The following FUT8 variants were observed in gnomAD, a reference collection of about 807,000 sequenced individuals.
The protein encoded by FUT8 is alpha-(1,6)-fucosyltransferase.
FUT8 carries 29 observed loss-of-function variants against 71.3 expected under a neutral mutation model. The observed-to-expected ratio is 0.41, with a 90% CI of 0.30 to 0.55. The LOEUF (loss-of-function observed/expected upper bound fraction) is 0.55, where lower values mean the gene tolerates loss of function less well. Among genes scored for constraint, FUT8 ranks in the 20% least tolerant of loss-of-function variants. FUT8 has a pLI of 0.34. For missense variants in FUT8, 544 were observed against 702.1 expected (o/e 0.77, Z 2.55); for synonymous variants, 254 against 239.3 (o/e 1.06, Z -0.57).
At chr14:65,364,228 G>A in the FUT8 span, among the ~76,000 whole-genome samples, 1 of 151,356 alleles carries the variant, frequency 6.6e-6, no homozygotes, top group African/African-American at 2.4e-5. Context: ...GTTTTGAGAT[G>A]GAGTCTTGCT....
intron 3 of FUT8, among the ~76,000 whole-genome samples, chr14:65,566,044 C>CT (rs1886175869): frequency 6.6e-6 from 1 of 151,766 alleles, no homozygotes; most frequent in Non-Finnish European, 1.5e-5. Flanking sequence ...TTCAGCTAGG[C>CT]TTTTTTTCTA....
intron 7 of FUT8, among the ~76,000 whole-genome samples, chr14:65,690,619 T>C (rs893070299): frequency 3.1e-4 from 47 of 149,634 alleles, no homozygotes; most frequent in African/African-American, 1.0e-3. Flanking sequence ...TTAACTTCTG[T>C]CATCCCTTTA....
At chr14:65,427,808 C>T (rs1456858873) in intron 1 of FUT8, among the ~76,000 whole-genome samples, 1 of 152,056 alleles carries the variant, frequency 6.6e-6, no homozygotes, top group African/African-American at 2.4e-5. Context: ...TCCAAAAAAC[C>T]CATTCTTGTC....
intron 7 of FUT8, among the ~76,000 whole-genome samples, chr14:65,700,687 C>G (rs1164701052): frequency 6.6e-6 from 1 of 152,166 alleles, no homozygotes; most frequent in Admixed American, 6.5e-5. Flanking sequence ...GCTTGAGCCA[C>G]CACACCCAGC....
chr14:65,516,399 G>A (rs1204506833), intron 2 of FUT8: 1 of 152,086 alleles, frequency 6.6e-6, no homozygotes, highest in Non-Finnish European at 1.5e-5. Context: ...GTGAATTTAT[G>A]TGTAAATGTT....
chr14:65,366,044 G>T, the FUT8 span, among the ~76,000 whole-genome samples: 1 of 151,972 alleles, frequency 6.6e-6, no homozygotes, highest in Non-Finnish European at 1.5e-5. Flanking sequence ...CTCACTTTAT[G>T]GACTCACCCT....
At chr14:65,653,356 A>G (rs146337638) in intron 6 of FUT8, among the ~76,000 whole-genome samples, 2 of 152,280 alleles carry the variant, frequency 1.3e-5, no homozygotes, top group African/African-American at 4.8e-5. Context: ...TGAAGGATGC[A>G]AGCACCTGGA....
At chr14:65,414,871 G>A (rs542474601) in intron 1 of FUT8, among the ~76,000 whole-genome samples, 24 of 152,252 alleles carry the variant, frequency 1.6e-4, no homozygotes, top group Middle Eastern at 3.4e-3. Context: ...ATAGGATAGT[G>A]ATTCAAAATA....
upstream of FUT8, chr14:65,412,028 TC>T (rs1358242688): frequency 2.0e-5 from 9 of 456,516 alleles, no homozygotes; most frequent in Admixed American, 2.1e-4. Context: ...CTCTCCCCTC[TC>T]CCCGTGCTGT....
At chr14:65,507,040 G>A (rs2066747239) in intron 2 of FUT8, among the ~76,000 whole-genome samples, 1 of 152,168 alleles carries the variant, frequency 6.6e-6, no homozygotes, top group South Asian at 2.1e-4. Flanking sequence ...TTGCATTTAT[G>A]CGGTAAGATT....
intron 6 of FUT8, among the ~76,000 whole-genome samples, chr14:65,637,509 A>G (rs895875570): frequency 4.6e-5 from 7 of 152,208 alleles, no homozygotes; most frequent in Admixed American, 6.5e-5. Flanking sequence ...TTTTCTGCAT[A>G]GCCCCAAAGT....
intron 3 of FUT8, among the ~76,000 whole-genome samples, chr14:65,576,789 A>C (rs1886810937): frequency 7.4e-6 from 1 of 135,036 alleles, no homozygotes; most frequent in Non-Finnish European, 1.5e-5. Flanking sequence ...GCGCGATCTC[A>C]GCTCACTGCA....
chr14:65,393,185 GAACT>G, the FUT8 span, among the ~76,000 whole-genome samples: 27 of 152,136 alleles, frequency 1.8e-4, no homozygotes, highest in Non-Finnish European at 2.9e-4. Context: ...AGGTGTAAGT[GAACT>G]AACTGAGAAA....
chr14:65,369,640 T>C, the FUT8 span, among the ~76,000 whole-genome samples: 1 of 152,230 alleles, frequency 6.6e-6, no homozygotes, highest in African/African-American at 2.4e-5. The surrounding 1 kb of genome is among the most constrained non-coding windows in gnomAD (Gnocchi z 4.6). Flanking sequence ...CTAATTATAA[T>C]GCATTACATG....
At chr14:65,428,275 A>G (rs904660707) in intron 1 of FUT8, among the ~76,000 whole-genome samples, 6 of 152,146 alleles carry the variant, frequency 3.9e-5, no homozygotes, top group African/African-American at 1.4e-4. Context: ...TATGTCAGCT[A>G]TGGTCTGAAT....
intron 6 of FUT8, among the ~76,000 whole-genome samples, chr14:65,666,197 A>G (rs1566884014): frequency 6.6e-6 from 1 of 152,202 alleles, no homozygotes; most frequent in African/African-American, 2.4e-5. Context: ...TTTTCACTGC[A>G]ATCTCCTTAA....
chr14:65,428,486 G>C (rs1386484667), intron 1 of FUT8, among the ~76,000 whole-genome samples: 1 of 152,098 alleles, frequency 6.6e-6, no homozygotes, highest in Non-Finnish European at 1.5e-5. Flanking sequence ...GCACTTCCTA[G>C]CCTCCAGAAC....
chr14:65,401,918 G>T, the FUT8 span, among the ~76,000 whole-genome samples: 1 of 147,618 alleles, frequency 6.8e-6, no homozygotes. Flanking sequence ...AAAAAAAAAA[G>T]GGATTGAGTT....
chr14:65,543,003 AAC>A (rs1884769395), intron 2 of FUT8, among the ~76,000 whole-genome samples: 1 of 152,054 alleles, frequency 6.6e-6, no homozygotes, highest in South Asian at 2.1e-4. Context: ...GCTGGTCTCA[AAC>A]CCCTGACCTC....
Sources: allele counts gnomAD v4.1 joint callset (sites outside exome capture counted in the v4.1 genomes callset), GRCh38; gene constraint gnomAD v4.1.1; non-coding constraint Gnocchi (gnomAD v3.1); transcripts MANE v1.5; gene names NCBI Gene and HGNC (gene_info 2026-07-23, HGNC 2026-07-21).